The following ABCA1 variants were observed in gnomAD, a reference collection of about 807,000 sequenced individuals.
The protein encoded by ABCA1 is phospholipid-transporting ATPase ABCA1.
A neutral mutation model predicts 262.5 loss-of-function variants in ABCA1; 133 were observed. That is an observed-to-expected ratio of 0.51 (90% confidence interval 0.44 to 0.59). The LOEUF (loss-of-function observed/expected upper bound fraction) is 0.59, where lower values mean the gene tolerates loss of function less well. Ranked by LOEUF, ABCA1 falls within the 20% of genes least tolerant of loss-of-function variation. ABCA1 has a pLI of 0.00. For missense variants in ABCA1, 2,452 were observed against 2,777.5 expected, an observed-to-expected ratio of 0.88 and a Z score of 2.63; for synonymous variants, 1,022 against 1,043.5, an observed-to-expected ratio of 0.98 and a Z score of 0.40.
At chr9:104,864,627 G>A (rs903412882) in intron 5 of ABCA1, among the ~76,000 whole-genome samples, 5 of 152,058 alleles carry the variant, frequency 3.3e-5, no homozygotes, top group African/African-American at 9.7e-5. Flanking sequence ...CAGAATACAC[G>A]TATTAGCTAA....
At chr9:104,884,685 C>T in intron 3 of ABCA1, 117 bp from the exon 4 acceptor site, 1 of 1,218,018 alleles carries the variant, frequency 8.2e-7, no homozygotes, top group Non-Finnish European at 1.2e-6. Context: ...TCCCCACATC[C>T]CAGAGACCTG....
At chr9:104,810,618 C>G (rs1206017557) in intron 29 of ABCA1, among the ~76,000 whole-genome samples, 182 bp downstream of exon 29, 1 of 152,124 alleles carries the variant, frequency 6.6e-6, no homozygotes, top group East Asian at 1.9e-4. Flanking sequence ...GAAGACTGGC[C>G]TATTATTCAG....
intron 13 of ABCA1, 45 bp from the exon 14 acceptor site, chr9:104,831,146 CAAT>C: frequency 8.3e-6 from 6 of 720,956 alleles, no homozygotes; most frequent in Admixed American, 4.2e-5. Context: ...TAGAACCATA[CAAT>C]AAAAAAAAAA....
intron 1 of ABCA1, among the ~76,000 whole-genome samples, chr9:104,907,452 A>G (rs995321687): frequency 1.3e-5 from 2 of 152,142 alleles, no homozygotes; most frequent in African/African-American, 2.4e-5. Context: ...TTAGTATGCA[A>G]AAGGGTCCTG....
At chr9:104,882,059 T>TAAAAAAAAAAAAAAAAAAAA in intron 5 of ABCA1, among the ~76,000 whole-genome samples, 1 of 74,458 alleles carries the variant, frequency 1.3e-5, no homozygotes, top group Non-Finnish European at 2.8e-5. Flanking sequence ...AAAAAAAAAC[T>TAAAAAAAAAAAAAAAAAAAA]CAAATCTGAG....
At chr9:104,809,958 CTTTGT>C (rs1379407766) in intron 29 of ABCA1, among the ~76,000 whole-genome samples, 2 of 151,928 alleles carry the variant, frequency 1.3e-5, no homozygotes, top group East Asian at 3.8e-4. Flanking sequence ...GGCAAGAAAA[CTTTGT>C]ACTCTTTGCA....
At chr9:104,879,584 G>C (rs983774321) in intron 5 of ABCA1, among the ~76,000 whole-genome samples, 3 of 152,144 alleles carry the variant, frequency 2.0e-5, no homozygotes. Flanking sequence ...ACAGAAAAAA[G>C]ACATTTTTCC....
At chr9:104,796,794 T>C (rs1408770870) in intron 37 of ABCA1, among the ~76,000 whole-genome samples, 1 of 152,214 alleles carries the variant, frequency 6.6e-6, no homozygotes, top group Non-Finnish European at 1.5e-5. Context: ...AATGCTATAT[T>C]ATAGTCTGCC....
At chr9:104,824,731 C>A (rs924754768) in intron 17 of ABCA1, among the ~76,000 whole-genome samples, 153 bp from the exon 18 acceptor site, 1 of 152,066 alleles carries the variant, frequency 6.6e-6, no homozygotes, top group African/African-American at 2.4e-5. Context: ...TTTGCTGAAA[C>A]CTGCTATGTA....
chr9:104,839,714 T>C (rs1834197178), intron 9 of ABCA1, among the ~76,000 whole-genome samples: 1 of 152,242 alleles, frequency 6.6e-6, no homozygotes, highest in Non-Finnish European at 1.5e-5. Context: ...AATATATGTA[T>C]ACTTTGTAAA....
chr9:104,823,612 G>C (rs1832568665), intron 18 of ABCA1, among the ~76,000 whole-genome samples: 1 of 152,168 alleles, frequency 6.6e-6, no homozygotes, highest in African/African-American at 2.4e-5. Context: ...CAGGGGAGGG[G>C]ATCCGGAACT....
chr9:104,837,425 T>C lies in ABCA1; in HGVS notation c.1194+3A>G, dbSNP rs1833921801. The C allele has an allele frequency of 3.1e-6, 5 of 1,613,994 alleles. No homozygotes were observed. Among genetic ancestry groups the C allele is most frequent in the Non-Finnish European group, 4.2e-6 (5 of 1,179,896 alleles). On this transcript the variant is annotated splice_donor_region_variant and intron_variant, in intron 10 of 49. Coordinates refer to ENST00000374736, the MANE Select transcript of ABCA1 (RefSeq NM_005502.4). ...AGGGAGTCTTGGGCTGGGGGCAGCT[T>C]ACCTCAGCCATGACCTGCCTTGTGG...
At chr9:104,862,270 ATT>A (rs201007171) in intron 5 of ABCA1, among the ~76,000 whole-genome samples, 1 of 145,872 alleles carries the variant, frequency 6.9e-6, no homozygotes. Context: ...TGACTGGCAA[ATT>A]TTTTTTTTTT....
intron 49 of ABCA1, among the ~76,000 whole-genome samples, chr9:104,785,010 G>A (rs1828801569): frequency 6.6e-6 from 1 of 151,818 alleles, no homozygotes; most frequent in African/African-American, 2.4e-5. Context: ...CATTTACTTT[G>A]GCACATACGG....
intron 27 of ABCA1, among the ~76,000 whole-genome samples, chr9:104,813,343 T>G (rs1471025566): frequency 6.6e-6 from 1 of 152,236 alleles, no homozygotes; most frequent in Non-Finnish European, 1.5e-5. Context: ...ACAATATTTG[T>G]TTGATGTCTT....
chr9:104,818,155 G>A (rs1345302294), intron 23 of ABCA1, among the ~76,000 whole-genome samples: 1 of 137,942 alleles, frequency 7.2e-6, no homozygotes, highest in Non-Finnish European at 1.6e-5. Context: ...CACTTTAATT[G>A]AGATGATAGA....
At chr9:104,901,392 C>G (rs760978322) in intron 2 of ABCA1, among the ~76,000 whole-genome samples, 1 of 151,996 alleles carries the variant, frequency 6.6e-6, no homozygotes, top group African/African-American at 2.4e-5. Flanking sequence ...ACTAGACTAC[C>G]CCAGAGCCAT....
At chr9:104,829,881 T>C (rs1383905897) in intron 14 of ABCA1, among the ~76,000 whole-genome samples, 2 of 151,746 alleles carry the variant, frequency 1.3e-5, no homozygotes, top group East Asian at 3.9e-4. Flanking sequence ...GGAAACACAC[T>C]ATTCAATGCA....
intron 9 of ABCA1, among the ~76,000 whole-genome samples, chr9:104,839,066 T>C (rs867144037): frequency 6.6e-5 from 10 of 152,152 alleles, no homozygotes; most frequent in East Asian, 1.9e-4. Flanking sequence ...ACACCTGTGG[T>C]TGGAAATGGA....
Sources: allele counts gnomAD v4.1 joint callset (sites outside exome capture counted in the v4.1 genomes callset), GRCh38; gene constraint gnomAD v4.1.1; transcripts MANE v1.5; gene names NCBI Gene and HGNC (gene_info 2026-07-23, HGNC 2026-07-21).